The following MACROD2 variants were observed in gnomAD, a reference collection of about 807,000 sequenced individuals.
MACROD2 encodes the protein ADP-ribose glycohydrolase MACROD2.
A neutral mutation model predicts 70.4 loss-of-function variants in MACROD2; 36 were observed. The ratio of observed to expected loss-of-function variants is 0.51; its 90% CI spans 0.39 to 0.68. MACROD2 has a LOEUF of 0.68. MACROD2 is among the 30% of genes least tolerant of loss of function. The pLI is 0.00. For missense variants in MACROD2, 496 were observed against 538.4 expected (o/e 0.92, Z 0.78); for synonymous variants, 172 against 178.8 (o/e 0.96, Z 0.30).
rs528440553 is a variant in MACROD2, at chr20:15,348,747, C to T, written c.541-82658C>T. On this transcript the variant is annotated intron_variant, in intron 6 of 17. Transcript: ENST00000684519. ...ATCTCGTGAGACTTATTCATTATCA[C>T]GAGAACAGCACAGGAAAGACCTGCC... 7.2e-5 allele frequency among the ~76,000 whole-genome samples: 11 copies of T among 152,132 alleles called. No individual in the cohort carries two copies. In the East Asian group the frequency reaches 1.7e-3, roughly 24 times the overall value.
intron 2 of MACROD2, among the ~76,000 whole-genome samples, chr20:14,049,017 C>G (rs2053518979): frequency 6.6e-6 from 1 of 151,908 alleles, no homozygotes; most frequent in Non-Finnish European, 1.5e-5. Flanking sequence ...AGCTTCTATG[C>G]ACAGGAATGG....
chr20:15,504,226 A>T (rs2047398039), intron 8 of MACROD2, among the ~76,000 whole-genome samples: 1 of 152,094 alleles, frequency 6.6e-6, no homozygotes, highest in Non-Finnish European at 1.5e-5. Flanking sequence ...CCACTTGTTT[A>T]ATTTACCCAA....
intron 5 of MACROD2, among the ~76,000 whole-genome samples, chr20:14,706,339 A>G (rs1450971044): frequency 6.6e-6 from 1 of 151,844 alleles, no homozygotes; most frequent in African/African-American, 2.4e-5. Flanking sequence ...TTGGTAGAAG[A>G]ATTCAAGTGA....
intron 6 of MACROD2, among the ~76,000 whole-genome samples, chr20:15,267,853 A>G (rs777624860): frequency 3.3e-5 from 5 of 152,154 alleles, no homozygotes; most frequent in Non-Finnish European, 7.4e-5. Flanking sequence ...CTGGGATTCA[A>G]TCAGTGAGAT....
intron 10 of MACROD2, among the ~76,000 whole-genome samples, chr20:15,917,270 T>C (rs1049943006): frequency 1.3e-5 from 2 of 152,196 alleles, no homozygotes; most frequent in African/African-American, 4.8e-5. Flanking sequence ...TTACATAGGA[T>C]TTCTCTCATT....
chr20:14,346,289 C>T (rs980921229), intron 3 of MACROD2, among the ~76,000 whole-genome samples: 3 of 151,928 alleles, frequency 2.0e-5, no homozygotes, highest in Non-Finnish European at 2.9e-5. Flanking sequence ...CACTACAAGA[C>T]GTATGAATGT....
At chr20:15,961,335 G>T (rs1329185370) in intron 12 of MACROD2, among the ~76,000 whole-genome samples, 5 of 152,050 alleles carry the variant, frequency 3.3e-5, no homozygotes, top group Non-Finnish European at 7.4e-5. Context: ...TCCCACAAAG[G>T]ACCCAAATGC....
At chr20:15,320,351 T>A (rs2077861365) in intron 6 of MACROD2, among the ~76,000 whole-genome samples, 1 of 152,212 alleles carries the variant, frequency 6.6e-6, no homozygotes, top group Non-Finnish European at 1.5e-5. Context: ...GTTGCACACA[T>A]TTTGAGTATA....
intron 5 of MACROD2, among the ~76,000 whole-genome samples, chr20:14,688,295 A>G (rs2071025387): frequency 6.6e-6 from 1 of 152,216 alleles, no homozygotes; most frequent in Non-Finnish European, 1.5e-5. Flanking sequence ...TGTCTGGGTT[A>G]CAGACAAACT....
chr20:15,393,473 A>AT (rs1407439922), intron 6 of MACROD2, among the ~76,000 whole-genome samples: 2 of 151,964 alleles, frequency 1.3e-5, no homozygotes, highest in South Asian at 4.2e-4. Context: ...AGTTTCATAA[A>AT]TTTTTCCTTT....
chr20:14,604,481 C>A (rs913146011), intron 4 of MACROD2, among the ~76,000 whole-genome samples: 4 of 152,154 alleles, frequency 2.6e-5, no homozygotes, highest in Non-Finnish European at 5.9e-5. Flanking sequence ...CAGGTCCAAT[C>A]ATTATTTCCC....
At chr20:14,044,555 T>C (rs1315633872) in intron 2 of MACROD2, among the ~76,000 whole-genome samples, 2 of 152,154 alleles carry the variant, frequency 1.3e-5, no homozygotes, top group Non-Finnish European at 2.9e-5. Flanking sequence ...TGGTCCGTTT[T>C]GACAGGGTGC....
chr20:14,134,578 G>A (rs2054765617), intron 3 of MACROD2, among the ~76,000 whole-genome samples: 1 of 152,010 alleles, frequency 6.6e-6, no homozygotes, highest in African/African-American at 2.4e-5. Context: ...AGGCCGAGGC[G>A]GACAAATCAT....
intron 5 of MACROD2, among the ~76,000 whole-genome samples, chr20:14,861,132 C>T (rs930020974): frequency 2.0e-5 from 3 of 152,034 alleles, no homozygotes; most frequent in Non-Finnish European, 4.4e-5. Flanking sequence ...GGAATTGTTA[C>T]AAAGTGTGGG....
At chr20:15,513,570 G>A (rs533874630) in intron 8 of MACROD2, among the ~76,000 whole-genome samples, 3 of 152,294 alleles carry the variant, frequency 2.0e-5, no homozygotes, top group Admixed American at 2.0e-4. Context: ...CTGCGTGTGT[G>A]TGTGTGCGTG....
At chr20:14,988,385 A>G (rs2074869171) in intron 5 of MACROD2, among the ~76,000 whole-genome samples, 2 of 151,688 alleles carry the variant, frequency 1.3e-5, no homozygotes, top group Admixed American at 6.6e-5. Context: ...GGCTTTATAA[A>G]TATCAATATC....
At chr20:15,179,850 C>T (rs1443837910) in intron 5 of MACROD2, among the ~76,000 whole-genome samples, 2 of 152,152 alleles carry the variant, frequency 1.3e-5, no homozygotes, top group Non-Finnish European at 2.9e-5. Context: ...TGCATCTCTG[C>T]GTTAATGTGT....
chr20:15,057,718 T>C (rs1234807697), intron 5 of MACROD2, among the ~76,000 whole-genome samples: 2 of 152,188 alleles, frequency 1.3e-5, no homozygotes, highest in South Asian at 2.1e-4. Context: ...TGTGAACATT[T>C]GTGTGTCCCA....
intron 15 of MACROD2, among the ~76,000 whole-genome samples, chr20:15,992,538 T>A (rs2066572000): frequency 6.6e-6 from 1 of 152,160 alleles, no homozygotes; most frequent in African/African-American, 2.4e-5. Context: ...TGTGTGTAGG[T>A]TTAAGTGAAT....
Sources: gnomAD v4.1 joint callset for allele counts (sites outside exome capture counted in the v4.1 genomes callset) on GRCh38, gnomAD v4.1.1 for gene constraint, MANE v1.5 for transcripts, NCBI Gene and HGNC (gene_info 2026-07-23, HGNC 2026-07-21) for gene names.